HEMK2: variants seen among roughly 807,000 people sequenced by gnomAD.
The protein encoded by HEMK2 is methyltransferase HEMK2.
chr21:28,595,418 A>G, the HEMK2 span, among the ~76,000 whole-genome samples: 133,122 of 152,082 alleles, frequency 0.88, 59,161 homozygotes, highest in African/African-American at 0.93. Flanking sequence ...CCACAAATAA[A>G]TGAGAACATG....
chr21:28,805,157 C>T, the HEMK2 span, among the ~76,000 whole-genome samples: 2 of 152,178 alleles, frequency 1.3e-5, 1 homozygote, highest in South Asian at 4.1e-4. Context: ...ACAGGGAGAG[C>T]TGGATATTCA....
chr21:28,737,991 AT>A, the HEMK2 span, among the ~76,000 whole-genome samples: 5 of 152,200 alleles, frequency 3.3e-5, no homozygotes, highest in African/African-American at 7.2e-5. Flanking sequence ...CTGTGTTTTC[AT>A]TTGTTTGGAG....
chr21:28,866,598 A>AT, the HEMK2 span, among the ~76,000 whole-genome samples: 1 of 151,772 alleles, frequency 6.6e-6, no homozygotes, highest in South Asian at 2.1e-4. Flanking sequence ...GGCTTGTGTG[A>AT]TGGCACATGC....
the HEMK2 span, among the ~76,000 whole-genome samples, chr21:28,663,404 T>C: frequency 6.6e-6 from 1 of 152,230 alleles, no homozygotes; most frequent in East Asian, 1.9e-4. Flanking sequence ...TCCAATTTCA[T>C]AATGTTGGCT....
the HEMK2 span, among the ~76,000 whole-genome samples, chr21:28,709,461 T>C: frequency 6.6e-6 from 1 of 152,174 alleles, no homozygotes; most frequent in East Asian, 1.9e-4. Context: ...TGCACTTCTC[T>C]AGTATTTCCA....
the HEMK2 span, chr21:28,878,265 A>C: frequency 1.2e-6 from 2 of 1,609,686 alleles, no homozygotes; most frequent in Non-Finnish European, 1.7e-6. Context: ...CCAGGGGAAA[A>C]AACCTGTCCA....
At chr21:28,729,725 G>A in the HEMK2 span, among the ~76,000 whole-genome samples, 5 of 151,988 alleles carry the variant, frequency 3.3e-5, no homozygotes, top group Admixed American at 2.0e-4. Flanking sequence ...GTCCTGGGCC[G>A]CGTGTGGCCC....
chr21:28,671,981 T>C, the HEMK2 span, among the ~76,000 whole-genome samples: 1 of 152,170 alleles, frequency 6.6e-6, no homozygotes, highest in Non-Finnish European at 1.5e-5. Flanking sequence ...CACTCTACAG[T>C]GGAGCAGAAC....
chr21:28,584,270 G>A, the HEMK2 span, among the ~76,000 whole-genome samples: 1 of 152,132 alleles, frequency 6.6e-6, no homozygotes, highest in South Asian at 2.1e-4. Flanking sequence ...TATTTTGTAA[G>A]AATTATCAAT....
chr21:28,701,546 CCACACACACACATA>C, the HEMK2 span, among the ~76,000 whole-genome samples: 9,688 of 119,868 alleles, frequency 0.081, 342 homozygotes, highest in Middle Eastern at 0.097. Context: ...TTCACAATAG[CCACACACACACATA>C]CACACACACA....
the HEMK2 span, among the ~76,000 whole-genome samples, chr21:28,611,900 A>AG: frequency 2.6e-4 from 38 of 145,404 alleles, no homozygotes; most frequent in South Asian, 5.1e-3. Flanking sequence ...AGACAGAGAG[A>AG]GACACCATCT....
the HEMK2 span, among the ~76,000 whole-genome samples, chr21:28,747,174 A>G: frequency 6.6e-6 from 1 of 152,216 alleles, no homozygotes; most frequent in Non-Finnish European, 1.5e-5. Flanking sequence ...ATGAACTGAA[A>G]GTCATACTTA....
the HEMK2 span, among the ~76,000 whole-genome samples, chr21:28,612,593 C>A: frequency 6.6e-6 from 1 of 152,070 alleles, no homozygotes; most frequent in African/African-American, 2.4e-5. Context: ...AGCAATCAGA[C>A]AAGAGAAAGA....
chr21:28,594,566 T>A, the HEMK2 span, among the ~76,000 whole-genome samples: 1 of 152,228 alleles, frequency 6.6e-6, no homozygotes, highest in East Asian at 1.9e-4. Context: ...ATACTGCCTT[T>A]TTTATATATG....
the HEMK2 span, among the ~76,000 whole-genome samples, chr21:28,649,838 A>G: frequency 7.2e-6 from 1 of 139,306 alleles, no homozygotes; most frequent in Admixed American, 7.3e-5. Context: ...GAAACAGCTC[A>G]AGGAAAAGCA....
the HEMK2 span, among the ~76,000 whole-genome samples, chr21:28,657,885 T>C: frequency 0.14 from 22,018 of 151,988 alleles, 1,833 homozygotes; most frequent in African/African-American, 0.22. Context: ...GGCTATTAAC[T>C]GTATAACATG....
the HEMK2 span, among the ~76,000 whole-genome samples, chr21:28,634,518 G>T: frequency 2.0e-5 from 3 of 152,270 alleles, no homozygotes; most frequent in Middle Eastern, 6.8e-3. Context: ...CCTTGACTTT[G>T]TCTATTCTGA....
chr21:28,794,851 G>C, the HEMK2 span, among the ~76,000 whole-genome samples: 1 of 152,196 alleles, frequency 6.6e-6, no homozygotes, highest in African/African-American at 2.4e-5. Context: ...CAAGCAAAAA[G>C]TGTGGATTCT....
chr21:28,647,746 A>G, the HEMK2 span, among the ~76,000 whole-genome samples: 516 of 152,284 alleles, frequency 3.4e-3, 3 homozygotes, highest in African/African-American at 0.012. Context: ...AACCATACAC[A>G]CACATACCCC....
Sources: gnomAD v4.1 joint callset for allele counts (sites outside exome capture counted in the v4.1 genomes callset) on GRCh38, gnomAD v4.1.1 for gene constraint, MANE v1.5 for transcripts, NCBI Gene and HGNC (gene_info 2026-07-23, HGNC 2026-07-21) for gene names.